Variants in IST1 observed in about 807,000 individuals in gnomAD.
IST1 encodes the protein IST1 homolog.
IST1 carries 23 observed loss-of-function variants against 37.0 expected under a neutral mutation model. The observed-to-expected ratio is 0.62, with a 90% confidence interval of 0.45 to 0.88. IST1 has a LOEUF of 0.88. IST1 is among the 40% of genes least tolerant of loss of function. The probability of loss-of-function intolerance (pLI) is 0.00; values close to 1 mark genes in which losing one functional copy is unlikely to be tolerated. For missense variants in IST1, 488 were observed against 445.4 expected (o/e 1.10, Z -0.86); for synonymous variants, 180 against 161.7 (o/e 1.11, Z -0.86).
At chr16:71,927,340 T>C (rs567210940) in intron 9 of IST1, among the ~76,000 whole-genome samples, 8 of 152,096 alleles carry the variant, frequency 5.3e-5, no homozygotes, top group African/African-American at 1.4e-4. Context: ...AATACAAAAA[T>C]TAGCCAGGTG....
In IST1 at chr16:71,920,731, C is replaced by A. The variant is rs764681419; in HGVS notation, c.358-8C>A. ...TCTATTTTTATTTGCTGTCCTTTTT[C>A]TTTTTAGGTTGCTGATCAGCTCTGT... On this transcript the variant is annotated splice_polypyrimidine_tract_variant and splice_region_variant and intron_variant, in intron 4 of 9. Transcript: ENST00000378799. The A allele has an allele frequency of 4.7e-5, 75 of 1,609,632 alleles. No homozygotes were observed. Among genetic ancestry groups the A allele is most frequent in the Non-Finnish European group, 6.0e-5 (71 of 1,176,714 alleles).
rs865830118 is a variant in IST1 at position 71,925,339 on chromosome 16, C to G, written c.901+522C>G. On this transcript the variant is annotated intron_variant, in intron 9 of 9. Coordinates refer to ENST00000378799, the MANE Select transcript of IST1 (RefSeq NM_001270975.2). ...TGATTTTTTTTTTTTTTTTTTGAGA[C>G]GGAGTCTTGCTCTGTTGCCCAGGCT... is the stretch of plus-strand genomic sequence containing the variant. Among the ~76,000 whole-genome samples, 95 of 92,884 alleles carry G rather than the reference C, an allele frequency of 1.0e-3. No homozygotes were observed. In the South Asian group the frequency reaches 0.011, roughly 11 times the overall value. The allele number at this position is 92,884 out of a possible 152,430, so 60.9% of individuals were successfully genotyped here.
chr16:71,907,651 G>T (rs1214617412), intron 1 of IST1, among the ~76,000 whole-genome samples: 1 of 152,028 alleles, frequency 6.6e-6, no homozygotes, highest in Admixed American at 6.6e-5. Context: ...GATCTGTAAG[G>T]CTTTGTTCAC....
intron 9 of IST1, among the ~76,000 whole-genome samples, chr16:71,925,555 C>T (rs1332776324): frequency 1.3e-5 from 2 of 151,970 alleles, no homozygotes; most frequent in Non-Finnish European, 2.9e-5. Flanking sequence ...ACCTTGTGAT[C>T]CGCCTGCCTC....
intron 1 of IST1, among the ~76,000 whole-genome samples, chr16:71,898,370 G>C (rs200153714): frequency 9.9e-6 from 1 of 100,844 alleles, no homozygotes; most frequent in Non-Finnish European, 1.9e-5. Flanking sequence ...CTCTCTCTCA[G>C]AAAAAAAAAA....
In IST1 at chr16:71,920,833, T is replaced by C. The variant is rs2037562456; in HGVS notation, c.441+11T>C. 1 of 1,592,012 alleles carries C rather than the reference T, an allele frequency of 6.3e-7. No individual in the cohort carries two copies. Among genetic ancestry groups the C allele is most frequent in the Non-Finnish European group, 8.6e-7 (1 of 1,160,026 alleles). On this transcript the variant is annotated intron_variant, in intron 5 of 9. Coordinates refer to ENST00000378799, the MANE Select transcript of IST1 (RefSeq NM_001270975.2). The stretch of plus-strand genomic sequence containing the variant: ...ACTGTGAATGACAGGGTAATGAACA[T>C]ACTTGGTAAACATGAAGGCAGTGTG...
At position 71,905,384 on chromosome 16, in the gene IST1, CTT is replaced by C. The variant is rs1219638533; in HGVS notation, c.-16+9807_-16+9808del. Among the ~76,000 whole-genome samples, 38 of 86,422 alleles carry C rather than the reference CTT, an allele frequency of 4.4e-4. No homozygotes were observed. The East Asian group carries it at 0.013, about 30-fold the overall frequency. The allele number at this position is 86,422 out of a possible 152,430, so 56.7% of individuals were successfully genotyped here. A position where few individuals can be genotyped will look rare whatever the true frequency, so the allele number is the denominator to read the frequency against. On this transcript the variant is annotated intron_variant, in intron 1 of 9. Transcript: ENST00000378799. Reference sequence around the variant, plus strand: ...TAGGGGTTACAATGGATGAACTTTTCTTTTTTTTTTTTTGAGACAGTTTCACT... The same window carrying C: ...TAGGGGTTACAATGGATGAACTTTTCTTTTTTTTTTTGAGACAGTTTCACT...
At chr16:71,917,746 T>C (rs1247246815) in intron 4 of IST1, among the ~76,000 whole-genome samples, 3 of 152,244 alleles carry the variant, frequency 2.0e-5, no homozygotes, top group Admixed American at 2.0e-4. Context: ...ACCCATCTAC[T>C]GAGATTTCCT....
chr16:71,899,390 G>A (rs2037051077), intron 1 of IST1, among the ~76,000 whole-genome samples: 1 of 151,554 alleles, frequency 6.6e-6, no homozygotes, highest in Non-Finnish European at 1.5e-5. Flanking sequence ...ACCAGCCTGG[G>A]CAACATAGCA....
At chr16:71,917,455 A>G (rs1008092822) in intron 4 of IST1, among the ~76,000 whole-genome samples, 1 of 152,186 alleles carries the variant, frequency 6.6e-6, no homozygotes, top group Non-Finnish European at 1.5e-5. Context: ...AAGGTGACAG[A>G]TGTTTTTGCT....
intron 1 of IST1, among the ~76,000 whole-genome samples, chr16:71,911,045 G>C (rs189815769): frequency 6.6e-6 from 1 of 152,046 alleles, no homozygotes; most frequent in Admixed American, 6.5e-5. Flanking sequence ...TTCAAGACCA[G>C]CGTGTCCAAC....
intron 1 of IST1, among the ~76,000 whole-genome samples, chr16:71,898,653 A>C: frequency 8.3e-6 from 1 of 120,096 alleles, no homozygotes; most frequent in African/African-American, 3.4e-5. Flanking sequence ...ACAGAGTGAG[A>C]CTCTGTCTTA....
chr16:71,916,141 A>G (rs1478008514), intron 2 of IST1, among the ~76,000 whole-genome samples: 2 of 152,146 alleles, frequency 1.3e-5, no homozygotes, highest in Non-Finnish European at 2.9e-5. Context: ...CTGGGATCAT[A>G]TCTTTTAAGC....
intron 9 of IST1, among the ~76,000 whole-genome samples, chr16:71,926,034 C>T (rs1028557444): frequency 1.3e-5 from 2 of 152,140 alleles, no homozygotes; most frequent in African/African-American, 4.8e-5. Context: ...GTAATCCCAG[C>T]ACCTTGGGAG....
chr16:71,923,232 C>T (rs1380340554), intron 7 of IST1, 56 bp from the exon 8 acceptor site: 3 of 979,256 alleles, frequency 3.1e-6, no homozygotes, highest in Non-Finnish European at 4.8e-6. Flanking sequence ...ATACCCAAAC[C>T]TTCGAGATTG....
chr16:71,929,739 TA>T lies in IST1; in HGVS notation c.*1933del. On this transcript the variant is annotated 3_prime_UTR_variant, in exon 10 of 10. Transcript: ENST00000378799. ...ATTGAAATTACTGCTAATAGTGGAG[TA>T]AAAAAAGTACCAAAGATTTTTAAAA... 7.2e-7 allele frequency: 1 copy of T among 1,393,084 alleles called. No homozygotes were observed. The highest frequency in any genetic ancestry group is 9.7e-7 in the Non-Finnish European group (1 of 1,034,924). The allele number at this position is 1,393,084 out of a possible 1,614,324, so 86.3% of individuals were successfully genotyped here. A position where few individuals can be genotyped will look rare whatever the true frequency, so the allele number is the denominator to read the frequency against.
chr16:71,923,996 AT>A (rs2037675463), intron 8 of IST1: 1 of 392,864 alleles, frequency 2.5e-6, no homozygotes, highest in Non-Finnish European at 5.0e-6. Context: ...TGAGAAACAA[AT>A]TGGTGTGGCA....
chr16:71,898,805 C>T (rs1028088374), intron 1 of IST1, among the ~76,000 whole-genome samples: 2 of 151,728 alleles, frequency 1.3e-5, no homozygotes, highest in Admixed American at 6.6e-5. Flanking sequence ...GGCGAAACCT[C>T]GTCGCTACTA....
chr16:71,894,752 T>C, upstream of IST1: 6 of 903,210 alleles, frequency 6.6e-6, no homozygotes, highest in Non-Finnish European at 1.0e-5. Context: ...TCCAGGCTGG[T>C]CTGCAACTCC....
Sources: allele counts gnomAD v4.1 joint callset (sites outside exome capture counted in the v4.1 genomes callset), GRCh38; gene constraint gnomAD v4.1.1; transcripts MANE v1.5; gene names NCBI Gene and HGNC (gene_info 2026-07-23, HGNC 2026-07-21).